Variants in COL8A1 observed in about 807,000 individuals in gnomAD.
COL8A1 encodes the protein collagen alpha-1(VIII) chain.
Under a neutral mutation model 42.7 loss-of-function variants are expected in COL8A1, and 21 were observed. That is an observed-to-expected ratio of 0.49 (90% CI 0.35 to 0.71). The LOEUF is 0.71. COL8A1 is among the 30% of genes least tolerant of loss of function. The pLI is 0.01. For synonymous variants in COL8A1, 367 were observed against 369.1 expected, an observed-to-expected ratio of 0.99 and a Z score of 0.06; for missense variants, 788 against 962.4, an observed-to-expected ratio of 0.82 and a Z score of 2.40.
At position 99,794,527 on chromosome 3, in the gene COL8A1, A is replaced by AG. The variant is rs1472354355; in HGVS notation, c.627dup (p.Pro210AlafsTer15). On this transcript the variant is annotated frameshift_variant, in exon 4 of 4. Transcript: ENST00000652472. LOFTEE classifies it high-confidence loss of function. This position sits in a 1 kb window ranked among gnomAD's most constrained non-coding sequence, Gnocchi z 4.3. ...CCTCATGGACTTCCTGGCATTGGGA[A>AG]GCCAGGTGGGCCAGGGTTACCAGGG... 1.2e-6 allele frequency: 2 copies of AG among 1,613,854 alleles called. No homozygotes were observed.
At chr3:99,709,472 C>T (rs1377045777) in intron 1 of COL8A1, among the ~76,000 whole-genome samples, 1 of 152,156 alleles carries the variant, frequency 6.6e-6, no homozygotes, top group East Asian at 1.9e-4. Context: ...GCTTGGCAGT[C>T]TCTGGCTTAC....
At chr3:99,718,068 A>T (rs1940051629) in intron 1 of COL8A1, among the ~76,000 whole-genome samples, 1 of 151,924 alleles carries the variant, frequency 6.6e-6, no homozygotes, top group African/African-American at 2.4e-5. Flanking sequence ...TCACTCTGCA[A>T]GACCCAGCTT....
intron 1 of COL8A1, among the ~76,000 whole-genome samples, chr3:99,727,018 CATG>C (rs200750342): frequency 0.48 from 71,952 of 151,300 alleles, 17,276 homozygotes; most frequent in East Asian, 0.63. Context: ...TGGCCATTTT[CATG>C]ATATTGATTC....
Position 99,698,235 on chromosome 3 carries a change from CT to C in COL8A1, c.-128-46660del, listed in dbSNP as rs573468096. ...CTATCATTGGTGGACATTTGGGTTG[CT>C]TCCAAGTCTTTGCTATAGTGAATGG... is the stretch of plus-strand genomic sequence containing the variant. On this transcript the variant is annotated intron_variant, in intron 1 of 3. Transcript: ENST00000652472. Among the ~76,000 whole-genome samples the C allele has an allele frequency of 5.9e-5, 9 of 152,316 alleles. No homozygotes were observed. The South Asian group carries it at 1.9e-3, about 32-fold the overall frequency.
At chr3:99,699,027 A>G (rs1325527108) in intron 1 of COL8A1, among the ~76,000 whole-genome samples, 1 of 152,190 alleles carries the variant, frequency 6.6e-6, no homozygotes, top group African/African-American at 2.4e-5. Context: ...AAGCAGAAAC[A>G]AGTGCCACTG....
At chr3:99,661,748 A>G (rs1377705465) in intron 1 of COL8A1, among the ~76,000 whole-genome samples, 2 of 152,214 alleles carry the variant, frequency 1.3e-5, no homozygotes, top group African/African-American at 2.4e-5. Context: ...GAATGGATAA[A>G]CAAAATGTGG....
At position 99,766,903 on chromosome 3, in the gene COL8A1, C is replaced by T. The variant is rs562018747; in HGVS notation, c.-4+21882C>T. Among the ~76,000 whole-genome samples the T allele has an allele frequency of 2.3e-3, 356 of 151,740 alleles. 3 individuals carry two copies. Among genetic ancestry groups the T allele is most frequent in the Non-Finnish European group, 3.7e-3 (254 of 67,970 alleles). ...GGCAGAGGTTGCAGTGAGCCAATAT[C>T]GTGCCATTGCACTCCAGCCTCAGCA... On this transcript the variant is annotated intron_variant, in intron 2 of 3. Coordinates refer to ENST00000652472, the MANE Select transcript of COL8A1 (RefSeq NM_020351.4).
At chr3:99,701,185 TA>T (rs2107346678) in intron 1 of COL8A1, among the ~76,000 whole-genome samples, 1 of 152,338 alleles carries the variant, frequency 6.6e-6, no homozygotes, top group Admixed American at 6.5e-5. Context: ...TAGTTTAGTC[TA>T]TTAAGAAAAA....
At position 99,797,742 on chromosome 3, in the gene COL8A1, G is replaced by A. The variant is rs529121412; in HGVS notation, c.*1606G>A. On this transcript the variant is annotated 3_prime_UTR_variant, in exon 4 of 4. Transcript: ENST00000652472. ...GGAAAAGAACTGTTTCCTTAGAAGC[G>A]GACTGTGGAAGGGCTATGTAGAATG... The A allele has an allele frequency of 5.9e-5, 9 of 152,308 alleles. No homozygotes were observed. The highest frequency in any genetic ancestry group is 1.9e-4 in the East Asian group (1 of 5,188). The allele number at this position is 152,308 out of a possible 1,614,324, so 9.4% of individuals were successfully genotyped here.
At chr3:99,673,154 T>C (rs1473403430) in intron 1 of COL8A1, among the ~76,000 whole-genome samples, 2 of 151,938 alleles carry the variant, frequency 1.3e-5, no homozygotes, top group South Asian at 2.1e-4. Flanking sequence ...GATTTAGACA[T>C]GTAGACTCTC....
intron 1 of COL8A1, among the ~76,000 whole-genome samples, chr3:99,677,465 G>C (rs1415308895): frequency 6.6e-6 from 1 of 152,008 alleles, no homozygotes; most frequent in Non-Finnish European, 1.5e-5. Context: ...GTTTTAAATT[G>C]ATTTTATTTA....
chr3:99,791,076 A>G, intron 3 of COL8A1, 66 bp downstream of exon 3: 1 of 1,388,854 alleles, frequency 7.2e-7, no homozygotes, highest in Non-Finnish European at 9.8e-7. Flanking sequence ...ATGGGATCAG[A>G]GGGGGAAGAT....
intron 1 of COL8A1, among the ~76,000 whole-genome samples, chr3:99,712,083 A>G (rs1939850848): frequency 6.6e-6 from 1 of 152,152 alleles, no homozygotes; most frequent in Non-Finnish European, 1.5e-5. Flanking sequence ...GGAAAGCAAT[A>G]AAGTCATACT....
chr3:99,647,821 A>G (rs544304334), intron 1 of COL8A1, among the ~76,000 whole-genome samples: 1 of 152,288 alleles, frequency 6.6e-6, no homozygotes, highest in African/African-American at 2.4e-5. Flanking sequence ...GGTGTAATTT[A>G]CTGAATGAGG....
At chr3:99,694,313 T>A (rs373050487) in intron 1 of COL8A1, among the ~76,000 whole-genome samples, 14 of 151,884 alleles carry the variant, frequency 9.2e-5, no homozygotes, top group African/African-American at 3.4e-4. Flanking sequence ...TGAAACCCCA[T>A]CTCTACTAAA....
intron 1 of COL8A1, among the ~76,000 whole-genome samples, chr3:99,668,585 T>C (rs1022833100): frequency 3.3e-5 from 5 of 152,090 alleles, no homozygotes; most frequent in African/African-American, 4.8e-5. Flanking sequence ...AACTGAGATA[T>C]GGAAACTACT....
At chr3:99,767,816 G>A (rs567759649) in intron 2 of COL8A1, among the ~76,000 whole-genome samples, 1 of 152,178 alleles carries the variant, frequency 6.6e-6, no homozygotes, top group Non-Finnish European at 1.5e-5. Context: ...AAATAAAGGA[G>A]TGAGAAGTAA....
chr3:99,651,387 G>T (rs1411482637), intron 1 of COL8A1, among the ~76,000 whole-genome samples: 1 of 152,184 alleles, frequency 6.6e-6, no homozygotes, highest in Non-Finnish European at 1.5e-5. Flanking sequence ...AAGAAAAGTA[G>T]TTCTTTATCA....
chr3:99,704,337 A>T (rs1939620941), intron 1 of COL8A1, among the ~76,000 whole-genome samples: 2 of 152,190 alleles, frequency 1.3e-5, no homozygotes, highest in Admixed American at 1.3e-4. Flanking sequence ...CAAAAGCGGT[A>T]CTACACGTAG....
Sources: allele counts gnomAD v4.1 joint callset (sites outside exome capture counted in the v4.1 genomes callset), GRCh38; gene constraint gnomAD v4.1.1; non-coding constraint Gnocchi (gnomAD v3.1); transcripts MANE v1.5; gene names NCBI Gene and HGNC (gene_info 2026-07-23, HGNC 2026-07-21).